The following MYO9A variants were observed in gnomAD, a reference collection of about 807,000 sequenced individuals.
The protein encoded by MYO9A is unconventional myosin-IXa.
In MYO9A, 103 loss-of-function variants were observed where a neutral mutation model predicts 293.3. That is an observed-to-expected ratio of 0.35 (90% confidence interval 0.30 to 0.41). The LOEUF (loss-of-function observed/expected upper bound fraction) is 0.41. Ranked by LOEUF, MYO9A falls within the 10% of genes least tolerant of loss-of-function variation. The pLI, the probability that MYO9A is intolerant of heterozygous loss-of-function variation, is 1.00. For missense variants in MYO9A, 2,685 were observed against 3,033.0 expected (o/e 0.89, Z 2.69); for synonymous variants, 1,001 against 1,035.7 (o/e 0.97, Z 0.64).
chr15:71,833,081 G>A (rs1262460193), intron 39 of MYO9A, among the ~76,000 whole-genome samples: 2 of 151,760 alleles, frequency 1.3e-5, no homozygotes, highest in African/African-American at 4.8e-5. Flanking sequence ...AAAGAAAAAG[G>A]AACATATATC....
intron 36 of MYO9A, 61 bp from the exon 37 acceptor site, chr15:71,851,419 T>G: frequency 7.6e-7 from 1 of 1,317,556 alleles, no homozygotes; most frequent in South Asian, 1.3e-5. Flanking sequence ...TGTATCTTCC[T>G]CCCAGACACT....
chr15:71,835,855 G>C (rs931448996), intron 39 of MYO9A, among the ~76,000 whole-genome samples: 1 of 152,030 alleles, frequency 6.6e-6, no homozygotes. Flanking sequence ...TTTTTAGAAA[G>C]CTAGGGTAAA....
At chr15:71,860,969 C>CAAAAAAAAAAAAAAAAAAAAAAAA (rs61030744) in intron 33 of MYO9A, among the ~76,000 whole-genome samples, 22 of 32,418 alleles carry the variant, frequency 6.8e-4, no homozygotes, top group East Asian at 3.0e-3. Context: ...TCCATCTCAC[C>CAAAAAAAAAAAAAAAAAAAAAAAA]AAAAAAAAAA....
rs546405713 is a variant in MYO9A at position 71,916,420 on chromosome 15, G to A, written c.2635C>T (p.Leu879Phe). 6.2e-7 allele frequency: 1 copy of A among 1,613,654 alleles called. No homozygotes were observed. Among genetic ancestry groups the A allele is most frequent in the African/African-American group, 1.3e-5 (1 of 75,000 alleles). The change falls in exon 19 of 42, where the codon CTT (leucine) becomes TTT (phenylalanine). Residue 879 changes from leucine (L) to phenylalanine (F), a missense_variant. By Grantham distance (22) the Leu-to-Phe change is conservative. Around this residue, in one of 10 missense-constraint regions of MYO9A, gnomAD observed 1,434 missense variants for 1,497.7 expected, o/e 0.96. Transcript: ENST00000356056. ...GGTTTTTTCTTCTTGTGTAAATGAAGAAGAGACTTGGTAATGCGATCTTGT... is the reference window on the plus strand; with the variant it reads ...GGTTTTTTCTTCTTGTGTAAATGAAAAAGAGACTTGGTAATGCGATCTTGT... Reference protein sequence around the residue: ...TLQDRITKSLLHLHKKKKPPS... With the variant: ...TLQDRITKSLFHLHKKKKPPS...
chr15:71,855,548 T>C (rs1291623035), intron 34 of MYO9A, among the ~76,000 whole-genome samples: 3 of 152,204 alleles, frequency 2.0e-5, no homozygotes, highest in Non-Finnish European at 2.9e-5. Context: ...ATGGCAGGTA[T>C]TATCTCTGAG....
intron 13 of MYO9A, among the ~76,000 whole-genome samples, chr15:71,962,161 C>T (rs12438985): frequency 0.012 from 1,768 of 152,238 alleles, 56 homozygotes; most frequent in Admixed American, 0.057. Flanking sequence ...GGAGAGTAAG[C>T]TTCCACTCTG....
intron 14 of MYO9A, among the ~76,000 whole-genome samples, chr15:71,952,744 A>G (rs2059080578): frequency 6.6e-6 from 1 of 152,232 alleles, no homozygotes; most frequent in African/African-American, 2.4e-5. Context: ...AAAGTACATA[A>G]TAATATAGAG....
chr15:72,083,322 A>T (rs2079611633), intron 1 of MYO9A, among the ~76,000 whole-genome samples: 1 of 152,158 alleles, frequency 6.6e-6, no homozygotes, highest in Non-Finnish European at 1.5e-5. Flanking sequence ...TGTTCATAAC[A>T]GTCTGATGAT....
At chr15:71,861,555 G>A (rs760676866) in intron 33 of MYO9A, among the ~76,000 whole-genome samples, 2 of 146,554 alleles carry the variant, frequency 1.4e-5, no homozygotes, top group African/African-American at 2.5e-5. Flanking sequence ...GTACCTTTTT[G>A]ACTGTAATCT....
Position 71,938,981 on chromosome 15 carries a change from C to T in MYO9A, c.2303-54G>A, listed in dbSNP as rs760906442. The T allele has an allele frequency of 1.1e-4, 151 of 1,370,084 alleles. 1 individual carries two copies. Among genetic ancestry groups the T allele is most frequent in the Non-Finnish European group, 1.5e-4 (146 of 989,726 alleles). The allele number at this position is 1,370,084 out of a possible 1,614,324, so 84.9% of individuals were successfully genotyped here. On this transcript the variant is annotated intron_variant, in intron 15 of 41. Transcript: ENST00000356056. ...CAAATCAGTGCAAAGAAAAATGAAA[C>T]GTGAAATAGTTTTTCTAAAGACAAA...
At chr15:72,097,845 G>A (rs1248923945) in intron 1 of MYO9A, among the ~76,000 whole-genome samples, 1 of 150,336 alleles carries the variant, frequency 6.7e-6, no homozygotes, top group Non-Finnish European at 1.5e-5. Context: ...AGGAGACAGA[G>A]GTTGCGGTGA....
At position 71,983,671 on chromosome 15, in the gene MYO9A, C is replaced by T. The variant is rs548809269; in HGVS notation, c.1723-5379G>A. Among the ~76,000 whole-genome samples the T allele has an allele frequency of 1.1e-4, 17 of 150,884 alleles. 1 individual carries two copies. In the South Asian group the frequency reaches 2.5e-3, roughly 22 times the overall value. ...CTAATTTTTGTAGTTTTAGTAGAGT[C>T]GGGGTTTCACCATGTTGGCCAGGCT... is the stretch of plus-strand genomic sequence containing the variant. On this transcript the variant is annotated intron_variant, in intron 11 of 41. Transcript: ENST00000356056.
chr15:72,117,570 G>A lies in MYO9A; in HGVS notation c.-72+110C>T, dbSNP rs2081041702. On this transcript the variant is annotated intron_variant, in intron 1 of 41. Transcript: ENST00000356056. ...GAGGCTCGGCGCAGACCCGCTCGCG[G>A]GGCGTCTCCGCTGGGACGGGGCGGG... The A allele has an allele frequency of 1.3e-5, 5 of 377,930 alleles. No homozygotes were observed. The East Asian group carries it at 1.9e-4, about 14-fold the overall frequency. The allele number at this position is 377,930 out of a possible 1,614,324, so 23.4% of individuals were successfully genotyped here.
intron 34 of MYO9A, among the ~76,000 whole-genome samples, chr15:71,857,686 G>GT (rs199917190): frequency 0.044 from 6,359 of 144,838 alleles, 388 homozygotes; most frequent in African/African-American, 0.14. Context: ...TGTATCGACA[G>GT]TTTTTTTTTT....
chr15:71,939,732 T>C (rs2058726467), intron 15 of MYO9A, among the ~76,000 whole-genome samples: 1 of 152,222 alleles, frequency 6.6e-6, no homozygotes. Flanking sequence ...TCAAATCATA[T>C]GATAAACATG....
chr15:71,913,084 C>T (rs1468111438), intron 19 of MYO9A, among the ~76,000 whole-genome samples: 1 of 151,970 alleles, frequency 6.6e-6, no homozygotes, highest in African/African-American at 2.4e-5. Flanking sequence ...GTGCCCTCCT[C>T]CCTTTCATCT....
rs764196364 is a variant in MYO9A, at chr15:71,903,016, T to A, written c.2925A>T (p.Pro975=). Residue 975 remains proline, a synonymous_variant, in exon 22 of 42, where the codon CCA becomes CCT. Transcript: ENST00000356056. ...FHVLLPRNII[P]SKFNIQDFFR... ...AGAAATCCTGAATGTTAAATTTGGA[T>A]GGAATAATATTTCGGGGAAGAAGTA... The A allele has an allele frequency of 6.3e-7, 1 of 1,589,280 alleles. No homozygotes were observed. The highest frequency in any genetic ancestry group is 8.6e-7 in the Non-Finnish European group (1 of 1,162,518).
intron 29 of MYO9A, 93 bp from the exon 30 acceptor site, chr15:71,879,930 T>TGTCC: frequency 1.1e-6 from 1 of 882,090 alleles, no homozygotes; most frequent in Non-Finnish European, 1.8e-6. Flanking sequence ...CCACAATGAC[T>TGTCC]GTCCTCAAAG....
At chr15:72,023,296 CA>C (rs1022440310) in intron 4 of MYO9A, among the ~76,000 whole-genome samples, 2 of 152,178 alleles carry the variant, frequency 1.3e-5, no homozygotes, top group Non-Finnish European at 1.5e-5. Flanking sequence ...ATGGAGACCA[CA>C]AGGTCTCAGA....
Sources: allele counts gnomAD v4.1 joint callset (sites outside exome capture counted in the v4.1 genomes callset), GRCh38; gene constraint gnomAD v4.1.1; regional missense constraint gnomAD v4.1.1; transcripts MANE v1.5; gene names NCBI Gene and HGNC (gene_info 2026-07-23, HGNC 2026-07-21).